TENM3: variants seen among roughly 807,000 people sequenced by gnomAD.
TENM3 encodes teneurin-3.
In TENM3, 63 loss-of-function variants were observed where a neutral mutation model predicts 255.1. The observed-to-expected ratio is 0.25, with a 90% CI of 0.20 to 0.30. The LOEUF is 0.30. Ranked by LOEUF, TENM3 falls within the 10% of genes least tolerant of loss-of-function variation. The pLI, the probability that TENM3 is intolerant of heterozygous loss-of-function variation, is 1.00. For synonymous variants in TENM3, 1,306 were observed against 1,322.3 expected (o/e 0.99, Z 0.27); for missense variants, 2,929 against 3,461.1 (o/e 0.85, Z 3.86).
the TENM3 span, among the ~76,000 whole-genome samples, chr4:181,467,125 A>ATTTTTTTTTTTTTTTTTTTT: frequency 1.1e-4 from 2 of 17,620 alleles, no homozygotes. Context: ...ATATATATAT[A>ATTTTTTTTTTTTTTTTTTTT]TTTTTTTTTT....
rs529116770 is a variant in TENM3, at chr4:182,343,051, G to A, written c.233-3600G>A. On this transcript the variant is annotated intron_variant, in intron 2 of 27. Coordinates refer to ENST00000511685, the MANE Select transcript of TENM3 (RefSeq NM_001080477.4). Reference sequence around the variant, plus strand: ...GTCCTTACACCATCCTTTCTACTTTGTCAAATACCCTCACTCGTTTTTTAA... The same window carrying A: ...GTCCTTACACCATCCTTTCTACTTTATCAAATACCCTCACTCGTTTTTTAA... Among the ~76,000 whole-genome samples the A allele has an allele frequency of 3.5e-4, 53 of 152,148 alleles. 1 individual carries two copies. Among genetic ancestry groups the A allele is most frequent in the African/African-American group, 1.2e-3 (48 of 41,524 alleles).
the TENM3 span, among the ~76,000 whole-genome samples, chr4:181,585,756 C>T: frequency 9.1e-4 from 138 of 152,242 alleles, 1 homozygote; most frequent in Admixed American, 1.3e-3. Flanking sequence ...CCTCTATAAT[C>T]GACTCTCAAC....
At chr4:182,746,563 A>G (rs1296317323) in intron 19 of TENM3, among the ~76,000 whole-genome samples, 1 of 152,180 alleles carries the variant, frequency 6.6e-6, no homozygotes, top group African/African-American at 2.4e-5. Flanking sequence ...CTAAGGAATT[A>G]TTCTCTCCTA....
the TENM3 span, among the ~76,000 whole-genome samples, chr4:181,469,154 C>G: frequency 0.7 from 106,771 of 152,016 alleles, 37,838 homozygotes; most frequent in Non-Finnish European, 0.74. Context: ...CTGGTTGTAT[C>G]ATAAACTTTG....
chr4:181,995,503 G>A, the TENM3 span, among the ~76,000 whole-genome samples: 1 of 152,164 alleles, frequency 6.6e-6, no homozygotes, highest in Middle Eastern at 3.4e-3. Context: ...ACTCTCAAAT[G>A]GCAATCAGGT....
chr4:181,563,683 C>T, the TENM3 span, among the ~76,000 whole-genome samples: 1 of 152,076 alleles, frequency 6.6e-6, no homozygotes, highest in African/African-American at 2.4e-5. Context: ...CATTTTTATT[C>T]AACTTTTAAA....
At chr4:181,958,418 T>G in the TENM3 span, among the ~76,000 whole-genome samples, 1 of 152,252 alleles carries the variant, frequency 6.6e-6, no homozygotes, top group Non-Finnish European at 1.5e-5. Flanking sequence ...CTATTTAAAC[T>G]GTTTGGAATG....
intron 3 of TENM3, among the ~76,000 whole-genome samples, chr4:182,599,859 A>G (rs74368058): frequency 1.3e-5 from 2 of 152,296 alleles, no homozygotes; most frequent in East Asian, 3.9e-4. Context: ...TTGACATCTT[A>G]TGTGTGTGGA....
chr4:182,411,656 G>T (rs1769991539), intron 3 of TENM3, among the ~76,000 whole-genome samples: 1 of 152,178 alleles, frequency 6.6e-6, no homozygotes, highest in African/African-American at 2.4e-5. Context: ...TAACACAGGA[G>T]GGGAGGGGCG....
chr4:181,500,982 T>C, the TENM3 span, among the ~76,000 whole-genome samples: 18 of 152,196 alleles, frequency 1.2e-4, no homozygotes, highest in South Asian at 4.1e-4. Flanking sequence ...ACCCCTAATC[T>C]CTTGTTGTGG....
At chr4:182,528,211 G>T (rs551804685) in intron 3 of TENM3, among the ~76,000 whole-genome samples, 2 of 152,188 alleles carry the variant, frequency 1.3e-5, no homozygotes, top group African/African-American at 4.8e-5. Context: ...TCCTCCTCCT[G>T]GGTTCAAGCA....
intron 2 of TENM3, among the ~76,000 whole-genome samples, chr4:182,343,722 C>T (rs1764625426): frequency 6.6e-6 from 1 of 150,478 alleles, no homozygotes; most frequent in African/African-American, 2.4e-5. Flanking sequence ...GTCAAAACTG[C>T]AGATGTTTTC....
At chr4:182,646,529 G>A (rs765595902) in intron 5 of TENM3, among the ~76,000 whole-genome samples, 2 of 152,018 alleles carry the variant, frequency 1.3e-5, no homozygotes, top group African/African-American at 2.4e-5. Flanking sequence ...ATTGCTTGAG[G>A]TCAGGAGTTC....
the TENM3 span, among the ~76,000 whole-genome samples, chr4:181,644,012 T>C: frequency 6.7e-6 from 1 of 150,344 alleles, no homozygotes; most frequent in East Asian, 2.0e-4. Flanking sequence ...GGAGGCAGAG[T>C]TTGCAGTGAG....
At chr4:181,848,093 T>A in the TENM3 span, among the ~76,000 whole-genome samples, 21 of 152,358 alleles carry the variant, frequency 1.4e-4, 1 homozygote, top group African/African-American at 5.0e-4. Context: ...CCTTTATCTA[T>A]TCTAGTGCCA....
chr4:182,755,647 G>T (rs1214544093), intron 22 of TENM3, among the ~76,000 whole-genome samples: 1 of 152,086 alleles, frequency 6.6e-6, no homozygotes, highest in Admixed American at 6.5e-5. Context: ...GACCATCCTG[G>T]ATAACACGGT....
Position 182,680,718 on chromosome 4 carries a change from A to G in TENM3, c.1815A>G (p.Lys605=). 1 of 1,568,304 alleles carries G rather than the reference A, an allele frequency of 6.4e-7. No homozygotes were observed. Among genetic ancestry groups the G allele is most frequent in the Non-Finnish European group, 8.6e-7 (1 of 1,160,052 alleles). The part of the protein sequence containing the change: ...MGSCACNSGY[K]GESCEEADCI... ...CTTGTGCTTGCAACTCAGGATACAA[A>G]GGAGAAAGTTGTGAAGAAGGTAAAC... The change falls in exon 10 of 28, where the codon AAA becomes AAG. Residue 605 remains lysine (K), a synonymous_variant. Transcript: ENST00000511685.
chr4:182,654,807 T>A (rs1418384501), intron 6 of TENM3, among the ~76,000 whole-genome samples: 6 of 152,232 alleles, frequency 3.9e-5, no homozygotes, highest in Non-Finnish European at 8.8e-5. Context: ...TATATGTTGC[T>A]GTGTCACATG....
At chr4:182,157,008 C>T (rs7695632) in intron 1 of TENM3, among the ~76,000 whole-genome samples, 66,216 of 152,070 alleles carry the variant, frequency 0.44, 14,704 homozygotes, top group East Asian at 0.61. Flanking sequence ...CTACTTTGGT[C>T]AGATCGTATG....
Sources: allele counts gnomAD v4.1 joint callset (sites outside exome capture counted in the v4.1 genomes callset), GRCh38; gene constraint gnomAD v4.1.1; transcripts MANE v1.5; gene names NCBI Gene and HGNC (gene_info 2026-07-23, HGNC 2026-07-21).